Variants in PIGL observed in about 807,000 individuals in gnomAD.
The protein encoded by PIGL is phosphatidylinositol glycan anchor biosynthesis class L.
In PIGL, 22 loss-of-function variants were observed where a neutral mutation model predicts 31.1. The observed-to-expected ratio is 0.71, with a 90% CI of 0.51 to 1.01. The LOEUF (loss-of-function observed/expected upper bound fraction) is 1.01. PIGL is among the 50% of genes least tolerant of loss of function. PIGL has a pLI of 0.00. For synonymous variants in PIGL, 131 were observed against 117.4 expected, an observed-to-expected ratio of 1.12 and a Z score of -0.75; for missense variants, 302 against 315.9, an observed-to-expected ratio of 0.96 and a Z score of 0.33.
chr17:16,295,661 C>T (rs6502498), intron 2 of PIGL, among the ~76,000 whole-genome samples: 66,752 of 151,650 alleles, frequency 0.44, 15,356 homozygotes, highest in Middle Eastern at 0.54. Flanking sequence ...AATAAATTAT[C>T]AGCCAGGTGT....
intron 1 of PIGL, among the ~76,000 whole-genome samples, chr17:16,232,741 A>G (rs758552723): frequency 6.6e-6 from 1 of 150,728 alleles, no homozygotes; most frequent in Admixed American, 6.7e-5. Flanking sequence ...AGGGAAACCC[A>G]AAATATACAC....
chr17:16,231,719 T>C (rs1401613584), intron 1 of PIGL, among the ~76,000 whole-genome samples: 1 of 152,176 alleles, frequency 6.6e-6, no homozygotes, highest in Non-Finnish European at 1.5e-5. Flanking sequence ...GAGAAGTATG[T>C]TATGGGAAGA....
At chr17:16,301,903 G>T (rs1170608833) in intron 3 of PIGL, among the ~76,000 whole-genome samples, 1 of 151,674 alleles carries the variant, frequency 6.6e-6, no homozygotes, top group African/African-American at 2.4e-5. Context: ...ATCTTGCTGT[G>T]TTGGCCAGGC....
chr17:16,266,503 T>C (rs1382334189), intron 2 of PIGL, among the ~76,000 whole-genome samples: 1 of 151,830 alleles, frequency 6.6e-6, no homozygotes, highest in African/African-American at 2.4e-5. Context: ...TTGAGTGAGG[T>C]GGTACTCACA....
At chr17:16,217,602 C>G (rs2092595725) in intron 1 of PIGL, 141 bp downstream of exon 1, 1 of 677,618 alleles carries the variant, frequency 1.5e-6, no homozygotes, top group East Asian at 2.7e-5. Flanking sequence ...GAACCCCTCA[C>G]AGCCTAGGGA....
intron 2 of PIGL, among the ~76,000 whole-genome samples, chr17:16,252,297 C>T (rs922514071): frequency 2.6e-5 from 4 of 151,952 alleles, no homozygotes; most frequent in African/African-American, 9.7e-5. Context: ...TGGTCTCGAT[C>T]TCTTGACCTC....
intron 2 of PIGL, among the ~76,000 whole-genome samples, chr17:16,295,800 G>A (rs1425529625): frequency 6.6e-6 from 1 of 152,120 alleles, no homozygotes; most frequent in African/African-American, 2.4e-5. Flanking sequence ...AATTAGCTGG[G>A]CATGGTGGCA....
chr17:16,279,123 C>T (rs1325236972), intron 2 of PIGL, among the ~76,000 whole-genome samples: 2 of 152,204 alleles, frequency 1.3e-5, no homozygotes, highest in Non-Finnish European at 2.9e-5. Flanking sequence ...GCCAGAGTTT[C>T]CTCAGTATTG....
intron 1 of PIGL, among the ~76,000 whole-genome samples, chr17:16,229,611 A>G (rs1414972594): frequency 1.3e-5 from 2 of 151,114 alleles, no homozygotes; most frequent in African/African-American, 4.9e-5. Flanking sequence ...GCAATGAACT[A>G]TGGTTCCAGT....
intron 2 of PIGL, among the ~76,000 whole-genome samples, chr17:16,263,629 A>G (rs1394915277): frequency 1.3e-5 from 2 of 151,088 alleles, no homozygotes; most frequent in African/African-American, 4.9e-5. Context: ...GATTCAAGCA[A>G]TTCTCCTGCT....
At chr17:16,305,565 G>A (rs2093022997) in intron 3 of PIGL, among the ~76,000 whole-genome samples, 1 of 152,184 alleles carries the variant, frequency 6.6e-6, no homozygotes, top group African/African-American at 2.4e-5. Context: ...ACTTGCAACA[G>A]AAAGGGGGAA....
chr17:16,263,365 A>G (rs778753392), intron 2 of PIGL, among the ~76,000 whole-genome samples: 6 of 151,900 alleles, frequency 3.9e-5, no homozygotes, highest in South Asian at 2.1e-4. Flanking sequence ...TTTTTAGTAG[A>G]TATGAGGTCT....
chr17:16,325,233 T>G (rs899541807), intron 6 of PIGL, among the ~76,000 whole-genome samples: 2 of 148,158 alleles, frequency 1.3e-5, no homozygotes, highest in Non-Finnish European at 3.0e-5. Flanking sequence ...TAGTCCCAGC[T>G]ACTCGGAAGG....
At position 16,236,614 on chromosome 17, in the gene PIGL, C is replaced by A. The variant is rs549232660; in HGVS notation, c.335+2544C>A. Among the ~76,000 whole-genome samples the A allele has an allele frequency of 7.9e-5, 12 of 152,284 alleles. No homozygotes were observed. The South Asian group carries it at 2.3e-3, about 29-fold the overall frequency. Reference sequence around the variant, plus strand: ...ACAGAGTCTTGCTCTGTTGCCCAGGCTGGAGTGCAGTGGTGCGATCTTGGC... The same window carrying A: ...ACAGAGTCTTGCTCTGTTGCCCAGGATGGAGTGCAGTGGTGCGATCTTGGC... On this transcript the variant is annotated intron_variant, in intron 2 of 6. Transcript: ENST00000225609.
In PIGL at chr17:16,252,080, C is replaced by CT. The variant is rs1272293187; in HGVS notation, c.335+18019dup. On this transcript the variant is annotated intron_variant, in intron 2 of 6. Transcript: ENST00000225609. ...ATTTTTTTTTCCTTTTTTTTTTTTT[C>CT]TTTTTTTTTGTTGAGACAGAGTCTC... 3.5e-3 allele frequency among the ~76,000 whole-genome samples: 295 copies of CT among 84,970 alleles called. 4 individuals carry two copies. Among genetic ancestry groups the CT allele is most frequent in the Admixed American group, 0.022 (192 of 8,604 alleles). 55.7% of individuals were successfully genotyped at this position (84,970 alleles called of 152,430 possible).
intron 2 of PIGL, among the ~76,000 whole-genome samples, chr17:16,278,396 C>T (rs980670770): frequency 6.6e-5 from 10 of 152,078 alleles, no homozygotes; most frequent in Non-Finnish European, 1.3e-4. Context: ...GGATCAAACC[C>T]GATTCTTAAT....
At chr17:16,237,567 G>A (rs113839489) in intron 2 of PIGL, among the ~76,000 whole-genome samples, 1,868 of 151,916 alleles carry the variant, frequency 0.012, 41 homozygotes, top group African/African-American at 0.042. Context: ...TTGGGAGGCC[G>A]AGGTGGACAG....
intron 2 of PIGL, chr17:16,282,024 A>G (rs1399156101): frequency 1.9e-6 from 1 of 518,398 alleles, no homozygotes; most frequent in Admixed American, 2.0e-5. Flanking sequence ...GAGGGTGTTG[A>G]TCAGCAGATC....
intron 2 of PIGL, among the ~76,000 whole-genome samples, chr17:16,247,368 C>T (rs1002923377): frequency 3.9e-5 from 6 of 152,130 alleles, no homozygotes; most frequent in Non-Finnish European, 7.3e-5. Context: ...AGCATTAACT[C>T]GAAAGTCCAA....
Sources: gnomAD v4.1 joint callset for allele counts (sites outside exome capture counted in the v4.1 genomes callset) on GRCh38, gnomAD v4.1.1 for gene constraint, MANE v1.5 for transcripts, NCBI Gene and HGNC (gene_info 2026-07-23, HGNC 2026-07-21) for gene names.